Variants in CELF2 observed in about 807,000 individuals in gnomAD.
CELF2 encodes the protein CUG triplet repeat RNA-binding protein 2.
A neutral mutation model predicts 62.6 loss-of-function variants in CELF2; 8 were observed. The ratio of observed to expected loss-of-function variants is 0.13; its 90% CI spans 0.07 to 0.23. The LOEUF is 0.23. Ranked by LOEUF, CELF2 falls within the 10% of genes least tolerant of loss-of-function variation. The pLI, the probability that CELF2 is intolerant of heterozygous loss-of-function variation, is 1.00. For synonymous variants in CELF2, 258 were observed against 250.0 expected, an observed-to-expected ratio of 1.03 and a Z score of -0.30; for missense variants, 333 against 671.0, an observed-to-expected ratio of 0.50 and a Z score of 5.56.
At chr10:10,802,070 G>A (rs1190744830) in intron 1 of CELF2, among the ~76,000 whole-genome samples, 1 of 152,008 alleles carries the variant, frequency 6.6e-6, no homozygotes, top group Non-Finnish European at 1.5e-5. Context: ...TGACTCCTCG[G>A]AAAGTACAAA....
chr10:10,664,753 C>T, the CELF2 span, among the ~76,000 whole-genome samples: 1 of 152,168 alleles, frequency 6.6e-6, no homozygotes, highest in African/African-American at 2.4e-5. Context: ...GTAGTAGCCC[C>T]AGTGTGTGGT....
At chr10:10,878,328 C>G (rs1280819991) in intron 1 of CELF2, among the ~76,000 whole-genome samples, 1 of 152,184 alleles carries the variant, frequency 6.6e-6, no homozygotes, top group Non-Finnish European at 1.5e-5. Flanking sequence ...TGAGCAACCT[C>G]AGATGGGAAA....
At chr10:10,798,043 G>A (rs2054264888), upstream of CELF2, among the ~76,000 whole-genome samples, 1 of 152,162 alleles carries the variant, frequency 6.6e-6, no homozygotes, top group African/African-American at 2.4e-5. Flanking sequence ...AAGAGATTCT[G>A]CATTTCCTCC....
At chr10:11,234,524 T>C (rs1198156775) in intron 3 of CELF2, among the ~76,000 whole-genome samples, 1 of 151,656 alleles carries the variant, frequency 6.6e-6, no homozygotes, top group Non-Finnish European at 1.5e-5. Flanking sequence ...CTACTAAAAA[T>C]ACAAAAAATT....
At chr10:10,693,458 G>A in the CELF2 span, among the ~76,000 whole-genome samples, 21 of 151,666 alleles carry the variant, frequency 1.4e-4, no homozygotes, top group African/African-American at 4.8e-4. Context: ...CAAGGATATT[G>A]GTCTAAAATT....
Position 11,237,661 on chromosome 10 carries a change from C to T in CELF2, c.355-11492C>T, listed in dbSNP as rs1357264989. 6.6e-6 allele frequency among the ~76,000 whole-genome samples: 1 copy of T among 152,192 alleles called. No homozygotes were observed. Among genetic ancestry groups the T allele is most frequent in the Non-Finnish European group, 1.5e-5 (1 of 68,036 alleles). ...AGGCTGGGGGTCAGCCACTCACTGG[C>T]TTTTGGGGCTTTGTTCATCCCAGTT... is the stretch of plus-strand genomic sequence containing the variant. On this transcript the variant is annotated intron_variant, in intron 3 of 12. Coordinates refer to ENST00000633077, the MANE Select transcript of CELF2 (RefSeq NM_001326342.2). The surrounding 1 kb of genome is among the most constrained non-coding windows in gnomAD (Gnocchi z 4.0).
chr10:10,831,798 C>G (rs1233168903), intron 1 of CELF2, among the ~76,000 whole-genome samples: 2 of 152,094 alleles, frequency 1.3e-5, no homozygotes, highest in African/African-American at 4.8e-5. Flanking sequence ...ATGGTGAAAC[C>G]CTGTCTCTAC....
chr10:11,268,383 G>A lies in CELF2; in HGVS notation c.618+1706G>A, dbSNP rs1314919107. ...TCAGTGTTTCTGTTAGAAACATTAC[G>A]ATCCCCATTCCTTCCCTTGGAGCCC... On this transcript the variant is annotated intron_variant, in intron 6 of 12. Transcript: ENST00000633077. This position sits in a 1 kb window ranked among gnomAD's most constrained non-coding sequence, Gnocchi z 4.7. 1.3e-5 allele frequency among the ~76,000 whole-genome samples: 2 copies of A among 151,894 alleles called. No homozygotes were observed. The highest frequency in any genetic ancestry group is 2.4e-5 in the African/African-American group (1 of 41,324).
At chr10:10,723,536 G>A in the CELF2 span, among the ~76,000 whole-genome samples, 1 of 152,274 alleles carries the variant, frequency 6.6e-6, no homozygotes, top group Non-Finnish European at 1.5e-5. Context: ...ATTAGCTTTT[G>A]CCTTAAAATG....
rs11257040 is a variant in CELF2, at chr10:11,270,400, G to C, written c.619-266G>C. Among the ~76,000 whole-genome samples the C allele has an allele frequency of 2.0e-5, 3 of 152,004 alleles. No individual in the cohort carries two copies. The highest frequency in any genetic ancestry group is 4.4e-5 in the Non-Finnish European group (3 of 67,976). Reference sequence around the variant, plus strand: ...GCAAGGTTGAAGGAAGACACAGGAAGAGAAGGAGAGGCAGTTACTAATCAG... The same window carrying C: ...GCAAGGTTGAAGGAAGACACAGGAACAGAAGGAGAGGCAGTTACTAATCAG... On this transcript the variant is annotated intron_variant, in intron 6 of 12. Coordinates refer to ENST00000633077, the MANE Select transcript of CELF2 (RefSeq NM_001326342.2). The surrounding 1 kb of genome is among the most constrained non-coding windows in gnomAD (Gnocchi z 5.8).
intron 2 of CELF2, among the ~76,000 whole-genome samples, chr10:11,209,328 T>A (rs2061211261): frequency 6.6e-6 from 1 of 151,878 alleles, no homozygotes; most frequent in African/African-American, 2.4e-5. Context: ...GCCACAGGAA[T>A]TCACACCAAC....
chr10:10,498,629 T>C, the CELF2 span, among the ~76,000 whole-genome samples: 1 of 152,136 alleles, frequency 6.6e-6, no homozygotes, highest in East Asian at 1.9e-4. Flanking sequence ...GCAGGTACAG[T>C]CAAGCTTCGC....
the CELF2 span, among the ~76,000 whole-genome samples, chr10:10,602,354 C>A: frequency 1.3e-4 from 20 of 152,264 alleles, no homozygotes; most frequent in Non-Finnish European, 1.9e-4. Flanking sequence ...GGTTACAAGT[C>A]TGGGGTCCTG....
intron 1 of CELF2, among the ~76,000 whole-genome samples, chr10:10,894,356 C>G (rs1287185385): frequency 6.6e-6 from 1 of 152,200 alleles, no homozygotes; most frequent in Non-Finnish European, 1.5e-5. Context: ...AGGGCACCAA[C>G]TTGATGGATT....
rs59346811 is a variant in CELF2 at position 11,316,667 on chromosome 10, G to A, written c.1096+2409G>A. Among the ~76,000 whole-genome samples the A allele has an allele frequency of 2.0e-4, 30 of 152,196 alleles. No individual in the cohort carries two copies. The highest frequency in any genetic ancestry group is 7.2e-4 in the African/African-American group (30 of 41,504). ...CTGTTTCCATATGGAGAGTATTCAG[G>A]TTTTCTGAATAGAGCCAACTCTTAC... On this transcript the variant is annotated intron_variant, in intron 10 of 12. Coordinates refer to ENST00000633077, the MANE Select transcript of CELF2 (RefSeq NM_001326342.2). This position sits in a 1 kb window ranked among gnomAD's most constrained non-coding sequence, Gnocchi z 4.4.
intron 1 of CELF2, among the ~76,000 whole-genome samples, chr10:10,875,679 C>T (rs2133505569): frequency 6.6e-6 from 1 of 152,058 alleles, no homozygotes. Flanking sequence ...AAGCACCTTA[C>T]ATCTAATCCT....
chr10:10,975,891 T>C (rs1187842910), intron 2 of CELF2, among the ~76,000 whole-genome samples: 1 of 152,240 alleles, frequency 6.6e-6, no homozygotes, highest in African/African-American at 2.4e-5. Flanking sequence ...TAAGTCCTAC[T>C]TGGCAATGGT....
the CELF2 span, among the ~76,000 whole-genome samples, chr10:10,589,599 T>C: frequency 2.0e-5 from 3 of 152,148 alleles, no homozygotes; most frequent in African/African-American, 7.2e-5. Context: ...TTTGAGAGAA[T>C]GTGAAAATGA....
the CELF2 span, among the ~76,000 whole-genome samples, chr10:10,468,932 C>T: frequency 6.6e-6 from 1 of 151,870 alleles, no homozygotes; most frequent in Non-Finnish European, 1.5e-5. Flanking sequence ...TCAAACTCAT[C>T]TTGTATCCTT....
Sources: gnomAD v4.1 joint callset for allele counts (sites outside exome capture counted in the v4.1 genomes callset) on GRCh38, gnomAD v4.1.1 for gene constraint, Gnocchi (gnomAD v3.1) non-coding constraint, MANE v1.5 for transcripts, NCBI Gene and HGNC (gene_info 2026-07-23, HGNC 2026-07-21) for gene names.